PCDHGA5: variants seen among roughly 807,000 people sequenced by gnomAD.
The protein encoded by PCDHGA5 is protocadherin gamma subfamily A, 5.
In PCDHGA5, 36 loss-of-function variants were observed where a neutral mutation model predicts 56.7. The observed-to-expected ratio is 0.64, with a 90% CI of 0.49 to 0.84. PCDHGA5 has a LOEUF of 0.84. PCDHGA5 is among the 40% of genes least tolerant of loss of function. The pLI, the probability that PCDHGA5 is intolerant of heterozygous loss-of-function variation, is 0.00. For synonymous variants in PCDHGA5, 563 were observed against 520.2 expected, an observed-to-expected ratio of 1.08 and a Z score of -1.12; for missense variants, 1,305 against 1,201.5, an observed-to-expected ratio of 1.09 and a Z score of -1.27.
chr5:141,414,289 C>T (rs1435700383), intron 1 of PCDHGA5: 1 of 1,613,394 alleles, frequency 6.2e-7, no homozygotes, highest in African/African-American at 1.3e-5. Flanking sequence ...AGTCGTAGCC[C>T]TTTTAAATGT....
chr5:141,482,099 A>AG (rs1423781570), intron 1 of PCDHGA5, among the ~76,000 whole-genome samples: 1 of 151,852 alleles, frequency 6.6e-6, no homozygotes, highest in African/African-American at 2.4e-5. Flanking sequence ...CAAAAAAAAA[A>AG]AAAAAATATC....
Position 141,503,010 on chromosome 5 carries a change from AT to A in PCDHGA5, c.2481-2371del, listed in dbSNP as rs199924715. ...AGGCGTGTGCCACCATGCCCGGTTA[AT>A]TTTTTTTTTTTAATATCTATTTTAG... On this transcript the variant is annotated intron_variant, in intron 2 of 3. Coordinates refer to ENST00000518069, the MANE Select transcript of PCDHGA5 (RefSeq NM_018918.3). Among the ~76,000 whole-genome samples the A allele has an allele frequency of 6.8e-3, 997 of 146,562 alleles. 9 individuals are homozygous for A. The highest frequency in any genetic ancestry group is 0.023 in the African/African-American group (916 of 39,838).
rs2099401367 is a variant in PCDHGA5 at position 141,476,906 on chromosome 5, G to C, written c.2422-17901G>C. ...GGATGCACCCTCCGGCACGCGCGTG[G>C]TACAAGTCCTTGCAACGGATCTGGA... is the stretch of plus-strand genomic sequence containing the variant. On this transcript the variant is annotated intron_variant, in intron 1 of 3. Coordinates refer to ENST00000518069, the MANE Select transcript of PCDHGA5 (RefSeq NM_018918.3). The surrounding 1 kb of genome is among the most constrained non-coding windows in gnomAD (Gnocchi z 7.6). 2 of 1,614,050 alleles carry C rather than the reference G, an allele frequency of 1.2e-6. No homozygotes were observed. The highest frequency in any genetic ancestry group is 1.7e-6 in the Non-Finnish European group (2 of 1,180,044).
intron 1 of PCDHGA5, chr5:141,371,270 C>T (rs778912997): frequency 6.2e-7 from 1 of 1,613,894 alleles, no homozygotes; most frequent in African/African-American, 1.3e-5. Flanking sequence ...GACAACTGTT[C>T]AAGCTGGACA....
chr5:141,370,459 T>G, intron 1 of PCDHGA5: 2 of 1,612,272 alleles, frequency 1.2e-6, no homozygotes, highest in Admixed American at 3.3e-5. Flanking sequence ...CTCTTCCTGC[T>G]CTCTTTGTTA....
intron 1 of PCDHGA5, among the ~76,000 whole-genome samples, chr5:141,445,447 A>C (rs974383838): frequency 6.6e-6 from 1 of 152,222 alleles, no homozygotes; most frequent in Non-Finnish European, 1.5e-5. Flanking sequence ...TGGACTAAGG[A>C]TGCAGCAATG....
chr5:141,441,797 G>A, intron 1 of PCDHGA5: 2 of 386,536 alleles, frequency 5.2e-6, no homozygotes, highest in Non-Finnish European at 1.0e-5. Context: ...ACAACGCACC[G>A]CGGGTGCTGT....
chr5:141,389,779 A>T (rs779598795), intron 1 of PCDHGA5: 1 of 1,613,298 alleles, frequency 6.2e-7, no homozygotes, highest in South Asian at 1.1e-5. Flanking sequence ...GCCTTAGGCG[A>T]CAGGGACGCC....
chr5:141,401,890 C>T (rs2094204069), intron 1 of PCDHGA5, among the ~76,000 whole-genome samples: 1 of 152,084 alleles, frequency 6.6e-6, no homozygotes, highest in Non-Finnish European at 1.5e-5. Context: ...ATTTTGTGTT[C>T]TTTTTCCCAA....
intron 1 of PCDHGA5, chr5:141,384,679 G>T: frequency 6.2e-7 from 1 of 1,614,216 alleles, no homozygotes; most frequent in Non-Finnish European, 8.5e-7. Context: ...GGTGGTGGCG[G>T]TGGACAAAGA....
intron 1 of PCDHGA5, chr5:141,399,217 TTGATCAAAATACA>T (rs2093771382): frequency 6.2e-7 from 1 of 1,613,854 alleles, no homozygotes; most frequent in African/African-American, 1.3e-5. Context: ...ACTAATTGCT[TTGATCAAAATACA>T]TGACCAAGAT....
At chr5:141,433,694 G>T (rs539494151) in intron 1 of PCDHGA5, among the ~76,000 whole-genome samples, 1 of 152,126 alleles carries the variant, frequency 6.6e-6, no homozygotes, top group South Asian at 2.1e-4. Flanking sequence ...AAAATTAGCC[G>T]GGCGTGGTGG....
chr5:141,427,229 G>A (rs1377470019), intron 1 of PCDHGA5: 3 of 456,628 alleles, frequency 6.6e-6, no homozygotes, highest in Non-Finnish European at 1.3e-5. Context: ...GTTATACCAT[G>A]AGAGTAGAAG....
chr5:141,394,269 C>T (rs367765478), intron 1 of PCDHGA5: 2 of 1,613,948 alleles, frequency 1.2e-6, no homozygotes, highest in Admixed American at 3.3e-5. Context: ...GGAGAATGCC[C>T]AGGTCACTTA....
intron 1 of PCDHGA5, chr5:141,413,798 AAG>A (rs914638812): frequency 2.7e-5 from 44 of 1,613,066 alleles, no homozygotes; most frequent in Non-Finnish European, 3.5e-5. Context: ...GATCGCGAGG[AAG>A]AGGCCATTCA....
At position 141,486,609 on chromosome 5, in the gene PCDHGA5, C is replaced by T; in HGVS notation, c.2422-8198C>T. The T allele has an allele frequency of 6.2e-7, 1 of 1,613,568 alleles. No homozygotes were observed. ...GGGGACCTGCTTTGCTCCCTTGCAG[C>T]CTCTGACCCAGACTCTGGCTTGAAT... On this transcript the variant is annotated intron_variant, in intron 1 of 3. Transcript: ENST00000518069. The surrounding 1 kb of genome is among the most constrained non-coding windows in gnomAD (Gnocchi z 5.0).
At chr5:141,415,739 G>GTT (rs1561759437) in intron 1 of PCDHGA5, 11 of 435,132 alleles carry the variant, frequency 2.5e-5, no homozygotes, top group African/African-American at 1.6e-4. Flanking sequence ...TGTTTATTAA[G>GTT]GTTTTTTTTT....
intron 1 of PCDHGA5, chr5:141,399,170 T>C (rs1159402714): frequency 6.2e-7 from 1 of 1,613,798 alleles, no homozygotes. Flanking sequence ...TTCCATTCTC[T>C]ACTTGAAATG....
At chr5:141,380,705 T>G (rs1776676195) in intron 1 of PCDHGA5, among the ~76,000 whole-genome samples, 1 of 152,242 alleles carries the variant, frequency 6.6e-6, no homozygotes, top group African/African-American at 2.4e-5. Context: ...AGTCTATAAT[T>G]TAATTTAACT....
Sources: gnomAD v4.1 joint callset for allele counts (sites outside exome capture counted in the v4.1 genomes callset) on GRCh38, gnomAD v4.1.1 for gene constraint, Gnocchi (gnomAD v3.1) non-coding constraint, MANE v1.5 for transcripts, NCBI Gene and HGNC (gene_info 2026-07-23, HGNC 2026-07-21) for gene names.